LARGE1: variants seen among roughly 807,000 people sequenced by gnomAD.
LARGE1 encodes LARGE xylosyl- and glucuronyltransferase 1.
LARGE1 carries 43 observed loss-of-function variants against 87.6 expected under a neutral mutation model. The ratio of observed to expected loss-of-function variants is 0.49; its 90% CI spans 0.38 to 0.63. LARGE1 has a LOEUF of 0.63. Ranked by LOEUF, LARGE1 falls within the 30% of genes least tolerant of loss-of-function variation. The probability of loss-of-function intolerance (pLI) is 0.00; values close to 1 mark genes in which losing one functional copy is unlikely to be tolerated. For missense variants in LARGE1, 802 were observed against 1,000.2 expected, an observed-to-expected ratio of 0.80 and a Z score of 2.67; for synonymous variants, 434 against 394.6, an observed-to-expected ratio of 1.10 and a Z score of -1.18.
At chr22:33,182,012 G>A (rs1923197943) in intron 11 of LARGE1, among the ~76,000 whole-genome samples, 1 of 151,992 alleles carries the variant, frequency 6.6e-6, no homozygotes, top group South Asian at 2.1e-4. Flanking sequence ...TAGTAGGGAT[G>A]GGGTTTCACA....
intron 2 of LARGE1, among the ~76,000 whole-genome samples, chr22:33,746,134 C>T (rs189494214): frequency 2.0e-5 from 3 of 152,186 alleles, no homozygotes; most frequent in African/African-American, 7.2e-5. Context: ...CCCAGCTACT[C>T]GGGAGGCTGA....
At chr22:33,094,271 C>A in the LARGE1 span, among the ~76,000 whole-genome samples, 1 of 152,080 alleles carries the variant, frequency 6.6e-6, no homozygotes, top group East Asian at 1.9e-4. Context: ...AAATCGAGCC[C>A]TCTTCTCCAC....
chr22:33,338,945 C>T (rs1938815203), intron 9 of LARGE1, among the ~76,000 whole-genome samples: 1 of 152,000 alleles, frequency 6.6e-6, no homozygotes, highest in African/African-American at 2.4e-5. Context: ...GTCAGGAGTT[C>T]AAGACCAGCC....
chr22:33,418,539 A>C (rs1218247596), intron 7 of LARGE1, among the ~76,000 whole-genome samples: 1 of 152,204 alleles, frequency 6.6e-6, no homozygotes, highest in Non-Finnish European at 1.5e-5. Context: ...GCCGCTTTGA[A>C]TAGGATGGCT....
chr22:33,605,233 C>T (rs1452369918), intron 4 of LARGE1, among the ~76,000 whole-genome samples: 5 of 151,994 alleles, frequency 3.3e-5, no homozygotes, highest in Admixed American at 6.6e-5. Context: ...GCCAACCAAG[C>T]GGTTACTTTA....
chr22:33,866,965 AC>A (rs1222315527), intron 1 of LARGE1, among the ~76,000 whole-genome samples: 15 of 152,366 alleles, frequency 9.8e-5, no homozygotes, highest in African/African-American at 3.4e-4. Flanking sequence ...AGGAACACCA[AC>A]ATGTCCAGCA....
intron 6 of LARGE1, among the ~76,000 whole-genome samples, chr22:33,492,757 T>C (rs1477695906): frequency 9.9e-5 from 15 of 152,180 alleles, no homozygotes; most frequent in African/African-American, 4.8e-5. Flanking sequence ...CCTCATAATA[T>C]GGTTGTGTGC....
intron 2 of LARGE1, among the ~76,000 whole-genome samples, chr22:33,718,422 A>G (rs2082976290): frequency 6.6e-6 from 1 of 152,260 alleles, no homozygotes; most frequent in Admixed American, 6.5e-5. Flanking sequence ...AAAATAGGAC[A>G]GGAGGCTTTT....
In LARGE1 at chr22:33,646,813, C is replaced by T. The variant is rs149331321; in HGVS notation, c.408+3554G>A. 9.7e-4 allele frequency among the ~76,000 whole-genome samples: 148 copies of T among 152,284 alleles called. 1 individual carries two copies. In the East Asian group the frequency reaches 0.026, roughly 26 times the overall value. On this transcript the variant is annotated intron_variant, in intron 3 of 14. Coordinates refer to ENST00000397394, the MANE Select transcript of LARGE1 (RefSeq NM_133642.5). ...CATGACCTCAGCTCACTGCAACCTC[C>T]GCCTCCCAGGTTCAAACGATTCTCC... is the stretch of plus-strand genomic sequence containing the variant.
At chr22:33,556,176 T>C (rs1015485423) in intron 6 of LARGE1, among the ~76,000 whole-genome samples, 1 of 151,958 alleles carries the variant, frequency 6.6e-6, no homozygotes. Context: ...AGAGACTTTC[T>C]ACACTTGCAT....
chr22:33,171,053 G>T (rs1922545100), intron 11 of LARGE1, among the ~76,000 whole-genome samples: 1 of 152,174 alleles, frequency 6.6e-6, no homozygotes, highest in African/African-American at 2.4e-5. Context: ...CTGGAGCAAA[G>T]GTCACTCTTG....
intron 1 of LARGE1, among the ~76,000 whole-genome samples, chr22:33,906,473 A>ATTT (rs1349099920): frequency 6.6e-6 from 1 of 152,246 alleles, no homozygotes; most frequent in Non-Finnish European, 1.5e-5. Context: ...TTGAGCAAAT[A>ATTT]ACCTCTCCAA....
chr22:33,625,413 A>G (rs756644632), intron 4 of LARGE1, among the ~76,000 whole-genome samples: 7 of 152,216 alleles, frequency 4.6e-5, no homozygotes, highest in African/African-American at 9.6e-5. Flanking sequence ...TCCAGGTAGA[A>G]GAAGAACCAA....
intron 4 of LARGE1, among the ~76,000 whole-genome samples, chr22:33,609,400 T>G (rs909656276): frequency 6.6e-6 from 1 of 152,184 alleles, no homozygotes; most frequent in Admixed American, 6.5e-5. Flanking sequence ...ATATGACGAC[T>G]CTACAAGGAG....
intron 1 of LARGE1, among the ~76,000 whole-genome samples, chr22:33,883,107 A>G (rs980129315): frequency 6.6e-6 from 1 of 152,166 alleles, no homozygotes; most frequent in African/African-American, 2.4e-5. Flanking sequence ...TGCGGCAGGA[A>G]GCTGCTGTTA....
At chr22:33,321,780 A>G (rs1936737895) in intron 10 of LARGE1, among the ~76,000 whole-genome samples, 1 of 152,098 alleles carries the variant, frequency 6.6e-6, no homozygotes. Context: ...AGAATGAGAA[A>G]CACATGCATG....
intron 2 of LARGE1, among the ~76,000 whole-genome samples, chr22:33,755,744 C>T (rs1451172263): frequency 6.6e-6 from 1 of 152,294 alleles, no homozygotes; most frequent in African/African-American, 2.4e-5. Flanking sequence ...TCCTGTGTCC[C>T]TCAATACCAC....
At chr22:33,663,661 G>A (rs1390420096) in intron 2 of LARGE1, among the ~76,000 whole-genome samples, 1 of 152,136 alleles carries the variant, frequency 6.6e-6, no homozygotes, top group Non-Finnish European at 1.5e-5. Flanking sequence ...TTGGCCAAGA[G>A]GATATCCTGG....
the LARGE1 span, among the ~76,000 whole-genome samples, chr22:33,080,609 T>G: frequency 6.6e-6 from 1 of 152,180 alleles, no homozygotes; most frequent in African/African-American, 2.4e-5. Context: ...TGCCTAGAAG[T>G]GGAAGAATCA....
Sources: gnomAD v4.1 joint callset for allele counts (sites outside exome capture counted in the v4.1 genomes callset) on GRCh38, gnomAD v4.1.1 for gene constraint, MANE v1.5 for transcripts, NCBI Gene and HGNC (gene_info 2026-07-23, HGNC 2026-07-21) for gene names.